INPP4B: variants seen among roughly 807,000 people sequenced by gnomAD.
INPP4B encodes the protein inositol polyphosphate 4-phosphatase type II.
INPP4B carries 55 observed loss-of-function variants against 122.5 expected under a neutral mutation model. The observed-to-expected ratio is 0.45, with a 90% CI of 0.36 to 0.56. The LOEUF is 0.56. INPP4B is among the 20% of genes least tolerant of loss of function. INPP4B has a pLI of 0.00. For missense variants in INPP4B, 1,000 were observed against 1,097.7 expected (o/e 0.91, Z 1.26); for synonymous variants, 403 against 388.7 (o/e 1.04, Z -0.43).
At chr4:142,147,549 T>C (rs983881867) in intron 17 of INPP4B, among the ~76,000 whole-genome samples, 1 of 152,190 alleles carries the variant, frequency 6.6e-6, no homozygotes, top group East Asian at 1.9e-4. Flanking sequence ...GTTGGAATGA[T>C]AATTCTTGCT....
At chr4:142,152,538 C>T (rs11938246) in intron 17 of INPP4B, among the ~76,000 whole-genome samples, 12,357 of 152,146 alleles carry the variant, frequency 0.081, 1,786 homozygotes, top group African/African-American at 0.28. Context: ...TCCATCTTTT[C>T]CGACTGTCAC....
chr4:142,264,161 CTG>C (rs1288385147), intron 10 of INPP4B, among the ~76,000 whole-genome samples: 2 of 151,950 alleles, frequency 1.3e-5, no homozygotes, highest in East Asian at 3.9e-4. Context: ...TGAAAATAGA[CTG>C]ATATAGTGAC....
intron 3 of INPP4B, among the ~76,000 whole-genome samples, chr4:142,454,228 A>G (rs1010874505): frequency 2.6e-5 from 4 of 152,106 alleles, no homozygotes; most frequent in Non-Finnish European, 5.9e-5. Flanking sequence ...TTCATGCCAT[A>G]TGAATTTATT....
At chr4:142,725,122 C>T (rs907839717) in intron 2 of INPP4B, among the ~76,000 whole-genome samples, 4 of 152,066 alleles carry the variant, frequency 2.6e-5, no homozygotes, top group Non-Finnish European at 4.4e-5. Context: ...AAAACATACA[C>T]ACATTGTTTA....
intron 24 of INPP4B, among the ~76,000 whole-genome samples, chr4:142,084,434 A>G (rs745354065): frequency 6.6e-6 from 1 of 152,198 alleles, no homozygotes; most frequent in Non-Finnish European, 1.5e-5. Flanking sequence ...ATATTTTTCA[A>G]TTAGAATGTA....
chr4:142,744,679 T>A (rs1472761343), intron 1 of INPP4B, among the ~76,000 whole-genome samples: 1 of 151,382 alleles, frequency 6.6e-6, no homozygotes, highest in Non-Finnish European at 1.5e-5. Context: ...AATAAAAATA[T>A]CCTTCAAAAA....
intron 18 of INPP4B, among the ~76,000 whole-genome samples, chr4:142,137,247 T>C (rs1398225088): frequency 6.6e-6 from 1 of 150,424 alleles, no homozygotes; most frequent in African/African-American, 2.5e-5. Context: ...TACAACTATC[T>C]GATCTTTGAC....
At chr4:142,760,913 A>C (rs1771238117) in intron 1 of INPP4B, among the ~76,000 whole-genome samples, 1 of 152,098 alleles carries the variant, frequency 6.6e-6, no homozygotes, top group Non-Finnish European at 1.5e-5. Context: ...TCTTCCCTGA[A>C]CGTTCTTCCC....
chr4:142,041,692 G>GACAGTGAGT (rs1340004938), intron 25 of INPP4B, among the ~76,000 whole-genome samples: 5 of 152,070 alleles, frequency 3.3e-5, no homozygotes, highest in Non-Finnish European at 7.4e-5. Flanking sequence ...TTCTTACATA[G>GACAGTGAGT]ACAGTGAGTA....
chr4:142,568,969 C>T (rs1732226936), intron 2 of INPP4B, among the ~76,000 whole-genome samples: 2 of 152,138 alleles, frequency 1.3e-5, no homozygotes, highest in Admixed American at 1.3e-4. Context: ...ACTGCTGAGA[C>T]TAGAATTTAA....
intron 5 of INPP4B, among the ~76,000 whole-genome samples, chr4:142,407,515 G>A (rs1803689787): frequency 6.6e-6 from 1 of 152,114 alleles, no homozygotes; most frequent in Non-Finnish European, 1.5e-5. Context: ...ACACTGAAAT[G>A]TTCTGTCCAA....
At chr4:142,339,176 T>G (rs1016922397) in intron 7 of INPP4B, among the ~76,000 whole-genome samples, 7 of 152,164 alleles carry the variant, frequency 4.6e-5, no homozygotes, top group African/African-American at 1.7e-4. Flanking sequence ...TTAAACCAGG[T>G]TACTGCACTA....
chr4:142,037,787 T>C (rs540552865), intron 25 of INPP4B, among the ~76,000 whole-genome samples: 12 of 152,284 alleles, frequency 7.9e-5, no homozygotes, highest in Non-Finnish European at 7.4e-5. Flanking sequence ...ATTTAAATCC[T>C]GCAGATCTGT....
chr4:142,440,650 T>C (rs1343458446), intron 3 of INPP4B, among the ~76,000 whole-genome samples: 1 of 152,198 alleles, frequency 6.6e-6, no homozygotes, highest in Non-Finnish European at 1.5e-5. Context: ...CATTCACTCC[T>C]TGCCTTCACT....
At chr4:142,556,981 G>A (rs1006132659) in intron 2 of INPP4B, among the ~76,000 whole-genome samples, 3 of 152,136 alleles carry the variant, frequency 2.0e-5, no homozygotes, top group Non-Finnish European at 4.4e-5. Flanking sequence ...GCACAAAGCT[G>A]CTCCTCAAAG....
rs369097162 is a variant in INPP4B at position 142,401,865 on chromosome 4, CTT to C, written c.372+1071_372+1072del. 2.1e-3 allele frequency among the ~76,000 whole-genome samples: 316 copies of C among 152,256 alleles called. 3 individuals carry two copies. Among genetic ancestry groups the C allele is most frequent in the African/African-American group, 7.2e-3 (300 of 41,578 alleles). On this transcript the variant is annotated intron_variant, in intron 7 of 25. Transcript: ENST00000262992. ...ACATATGCTGTGCATTTACTTGAGT[CTT>C]TGTTCTGCAATTTTAAAGAAATGAA...
intron 2 of INPP4B, among the ~76,000 whole-genome samples, chr4:142,692,976 C>G (rs1477754492): frequency 7.7e-6 from 1 of 130,338 alleles, no homozygotes; most frequent in Non-Finnish European, 1.7e-5. Context: ...CAGACAGACA[C>G]ATACATAGTA....
chr4:142,023,966 C>A lies in INPP4B; in HGVS notation c.*4816G>T, dbSNP rs769481314. The A allele has an allele frequency of 9.9e-5, 15 of 151,328 alleles. 1 individual carries two copies. Among genetic ancestry groups the A allele is most frequent in the Admixed American group, 7.9e-4 (12 of 15,210 alleles). The allele number at this position is 151,328 out of a possible 1,614,324, so 9.4% of individuals were successfully genotyped here. A position where few individuals can be genotyped will look rare whatever the true frequency, so the allele number is the denominator to read the frequency against. On this transcript the variant is annotated 3_prime_UTR_variant, in exon 26 of 26. Coordinates refer to ENST00000262992, the MANE Select transcript of INPP4B (RefSeq NM_001101669.3). ...TACATTTTTTTTTTTGCTTATATTA[C>A]CTTACTATTTTTCCTGTCTCCTTGT...
chr4:142,575,240 A>AG (rs1733606161), intron 2 of INPP4B, among the ~76,000 whole-genome samples: 1 of 152,096 alleles, frequency 6.6e-6, no homozygotes, highest in South Asian at 2.1e-4. Flanking sequence ...AAAGAAAAAA[A>AG]AAGGGGAAAT....
Sources: allele counts gnomAD v4.1 joint callset (sites outside exome capture counted in the v4.1 genomes callset), GRCh38; gene constraint gnomAD v4.1.1; transcripts MANE v1.5; gene names NCBI Gene and HGNC (gene_info 2026-07-23, HGNC 2026-07-21).